The following CYP2C19 variants were observed in gnomAD, a reference collection of about 807,000 sequenced individuals.
CYP2C19 encodes the protein cytochrome P450 family 2 subfamily C member 19.
A neutral mutation model predicts 40.9 loss-of-function variants in CYP2C19; 59 were observed. That is an observed-to-expected ratio of 1.44 (90% CI 1.17 to 1.79). The LOEUF is 1.79. CYP2C19 is among the 40% of genes most tolerant of loss of function. CYP2C19 has a pLI of 0.00. For synonymous variants in CYP2C19, 253 were observed against 208.7 expected, an observed-to-expected ratio of 1.21 and a Z score of -1.83; for missense variants, 754 against 596.9, an observed-to-expected ratio of 1.26 and a Z score of -2.74.
At chr10:94,785,719 G>A (rs576336911) in intron 5 of CYP2C19, among the ~76,000 whole-genome samples, 23 of 152,190 alleles carry the variant, frequency 1.5e-4, no homozygotes, top group African/African-American at 4.6e-4. Context: ...AGAGCATCGC[G>A]TAAAATCGAG....
intron 5 of CYP2C19, among the ~76,000 whole-genome samples, chr10:94,784,805 G>C (rs982325649): frequency 3.3e-5 from 5 of 151,950 alleles, no homozygotes; most frequent in African/African-American, 9.7e-5. Context: ...GGCCAGGCTG[G>C]TCTCGAACTC....
Position 94,849,909 on chromosome 10 carries a change from G to C in CYP2C19, c.1150-8G>C. The C allele has an allele frequency of 6.2e-7, 1 of 1,613,398 alleles. No individual in the cohort carries two copies. Among genetic ancestry groups the C allele is most frequent in the Non-Finnish European group, 8.5e-7 (1 of 1,179,636 alleles). ...ACAGCTCAGTTCACCTATGTCTCTT[G>C]TTTCTAGGGCACAACCATATTAACT... On this transcript the variant is annotated splice_polypyrimidine_tract_variant and splice_region_variant and intron_variant, in intron 7 of 8. Transcript: ENST00000371321.
At chr10:94,796,771 T>C (rs541861927) in intron 5 of CYP2C19, among the ~76,000 whole-genome samples, 1 of 152,174 alleles carries the variant, frequency 6.6e-6, no homozygotes, top group African/African-American at 2.4e-5. Context: ...TGAATGGGAG[T>C]TCACTCATGT....
intron 5 of CYP2C19, among the ~76,000 whole-genome samples, chr10:94,819,053 T>G (rs1206708576): frequency 1.3e-5 from 2 of 149,628 alleles, no homozygotes; most frequent in African/African-American, 2.5e-5. Flanking sequence ...CAGACCACAG[T>G]GCAATCAAAC....
At position 94,854,466 on chromosome 10, in the gene CYP2C19, A is replaced by T. The variant is rs1009830599; in HGVS notation, c.*1552A>T. On this transcript the variant is annotated 3_prime_UTR_variant, in exon 9 of 9. Coordinates refer to ENST00000371321, the MANE Select transcript of CYP2C19 (RefSeq NM_000769.4). ...GTCATCTCCAAAGCATAGACAACTA[A>T]GTATCTTATGTTAAATTATGTTCAC... Among the ~76,000 whole-genome samples, 10 of 152,000 alleles carry T rather than the reference A, an allele frequency of 6.6e-5. No individual in the cohort carries two copies. Among genetic ancestry groups the T allele is most frequent in the African/African-American group, 2.4e-4 (10 of 41,372 alleles).
Position 94,849,945 on chromosome 10 carries a change from C to T in CYP2C19, c.1178C>T (p.Ser393Phe), listed in dbSNP as rs867860347. Residue 393 changes from serine to phenylalanine, a missense_variant, in exon 8 of 9, where the codon TCT becomes TTT. Physicochemically the swap from Ser to Phe is radical, Grantham distance 155. Transcript: ENST00000371321. ...ACAACCATATTAACTTCCCTCACTT[C>T]TGTGCTACATGACAACAAAGAATTT... is the stretch of plus-strand genomic sequence containing the variant. ...KGTTILTSLT[S>F]VLHDNKEFPN... 6.2e-7 allele frequency: 1 copy of T among 1,613,762 alleles called. No individual in the cohort carries two copies. Among genetic ancestry groups the T allele is most frequent in the Non-Finnish European group, 8.5e-7 (1 of 1,179,774 alleles).
At chr10:94,833,402 T>G (rs116239273) in intron 6 of CYP2C19, among the ~76,000 whole-genome samples, 2 of 152,204 alleles carry the variant, frequency 1.3e-5, no homozygotes, top group Non-Finnish European at 2.9e-5. Context: ...GTCTGTCATA[T>G]AGCTTTTTTT....
intron 1 of CYP2C19, among the ~76,000 whole-genome samples, chr10:94,771,195 T>C (rs1407619110): frequency 6.6e-6 from 1 of 152,062 alleles, no homozygotes; most frequent in Non-Finnish European, 1.5e-5. Flanking sequence ...CCCCTACAGC[T>C]TGAAGGGGGC....
At position 94,789,372 on chromosome 10, in the gene CYP2C19, GTTTTTGTTGCCATTAC is replaced by G. The variant is rs1227774501; in HGVS notation, c.819+7380_819+7395del. ...AATGAGATCTCATTAGTCAATTTTG[GTTTTTGTTGCCATTAC>G]TTTTGGTATTTTAGTCATAAAGTCC... is the stretch of plus-strand genomic sequence containing the variant. On this transcript the variant is annotated intron_variant, in intron 5 of 8. Transcript: ENST00000371321. Among the ~76,000 whole-genome samples, 12 of 151,772 alleles carry G rather than the reference GTTTTTGTTGCCATTAC, an allele frequency of 7.9e-5. No individual in the cohort carries two copies. The East Asian group carries it at 2.3e-3, about 29-fold the overall frequency.
rs1170273460 is a variant in CYP2C19 at position 94,801,304 on chromosome 10, A to T, written c.820-19192A>T. On this transcript the variant is annotated intron_variant, in intron 5 of 8. Transcript: ENST00000371321. ...TCTGTTTCATTATTTCTTTGTTCTCATTGGTTTCAAAGAACATTATTACTT... is the reference window on the plus strand; with the variant it reads ...TCTGTTTCATTATTTCTTTGTTCTCTTTGGTTTCAAAGAACATTATTACTT... Among the ~76,000 whole-genome samples the T allele has an allele frequency of 2.0e-5, 3 of 152,242 alleles. No homozygotes were observed. The East Asian group carries it at 5.8e-4, about 29-fold the overall frequency.
chr10:94,816,336 G>A (rs965209553), intron 5 of CYP2C19, among the ~76,000 whole-genome samples: 2 of 150,928 alleles, frequency 1.3e-5, no homozygotes, highest in African/African-American at 4.9e-5. Flanking sequence ...AAAGTAGCCG[G>A]TATAATTAGA....
chr10:94,766,204 CAGTCATTTGCCAGGGAAGGAT>C (rs1848240794), intron 1 of CYP2C19, among the ~76,000 whole-genome samples: 1 of 105,920 alleles, frequency 9.4e-6, no homozygotes, highest in South Asian at 4.5e-4. Flanking sequence ...ACAAAGCCAA[CAGTCATTTGCCAGGGAAGGAT>C]TGGACTGGTT....
intron 5 of CYP2C19, among the ~76,000 whole-genome samples, chr10:94,789,411 TCCTTGC>T (rs1237622568): frequency 7.2e-5 from 11 of 152,152 alleles, no homozygotes; most frequent in Non-Finnish European, 1.5e-5. Flanking sequence ...AGTCATAAAG[TCCTTGC>T]CCATGCCTAT....
chr10:94,809,428 T>A (rs568069778), intron 5 of CYP2C19, among the ~76,000 whole-genome samples: 4 of 152,290 alleles, frequency 2.6e-5, no homozygotes, highest in South Asian at 2.1e-4. Context: ...GTGCTGAAAC[T>A]TTTTAACGTG....
chr10:94,766,874 C>T (rs1422399734), intron 1 of CYP2C19, among the ~76,000 whole-genome samples: 1 of 151,856 alleles, frequency 6.6e-6, no homozygotes, highest in Non-Finnish European at 1.5e-5. Flanking sequence ...AGAGGATTAC[C>T]GAGTATGGTC....
Position 94,762,784 on chromosome 10 carries a change from G to C in CYP2C19, c.79G>C (p.Gly27Arg), listed in dbSNP as rs1848189454. 1 of 1,613,608 alleles carries C rather than the reference G, an allele frequency of 6.2e-7. No homozygotes were observed. Among genetic ancestry groups the C allele is most frequent in the East Asian group, 2.2e-5 (1 of 44,884 alleles). The change falls in exon 1 of 9, where the codon GGA (glycine) becomes CGA (arginine). Residue 27 changes from glycine to arginine, a missense_variant. Physicochemically the swap from Gly to Arg is moderately radical, Grantham distance 125. Coordinates refer to ENST00000371321, the MANE Select transcript of CYP2C19 (RefSeq NM_000769.4). ...AATCTGGAGACAGAGCTCTGGGAGA[G>C]GAAAACTCCCTCCTGGCCCCACTCC... ...LSIWRQSSGRGKLPPGPTPLP... is the reference protein window; with the variant it reads ...LSIWRQSSGRRKLPPGPTPLP...
At chr10:94,818,481 A>G (rs984474043) in intron 5 of CYP2C19, among the ~76,000 whole-genome samples, 2 of 150,832 alleles carry the variant, frequency 1.3e-5, no homozygotes, top group African/African-American at 4.9e-5. Flanking sequence ...TACCTTGGGC[A>G]GTATGGCCAT....
chr10:94,799,940 GT>G (rs1047322240), intron 5 of CYP2C19, among the ~76,000 whole-genome samples: 7 of 151,922 alleles, frequency 4.6e-5, no homozygotes, highest in African/African-American at 1.7e-4. Context: ...CTTATGATGC[GT>G]TAGAACATGC....
chr10:94,853,174 TTAAA>T lies in CYP2C19; in HGVS notation c.*263_*266del, dbSNP rs1325376222. On this transcript the variant is annotated 3_prime_UTR_variant, in exon 9 of 9. Coordinates refer to ENST00000371321, the MANE Select transcript of CYP2C19 (RefSeq NM_000769.4). ...ATGTTGAGTTATTAACATATTATTATTAAATAGAGAAAGATGATTTGTGTATTAT... is the reference window on the plus strand; with the variant it reads ...ATGTTGAGTTATTAACATATTATTATTAGAGAAAGATGATTTGTGTATTAT... 4.5e-5 allele frequency: 21 copies of T among 462,548 alleles called. No individual in the cohort carries two copies. The highest frequency in any genetic ancestry group is 1.2e-4 in the Admixed American group (3 of 26,016). 28.7% of individuals were successfully genotyped at this position (462,548 alleles called of 1,614,324 possible).
Sources: gnomAD v4.1 joint callset for allele counts (sites outside exome capture counted in the v4.1 genomes callset) on GRCh38, gnomAD v4.1.1 for gene constraint, MANE v1.5 for transcripts, NCBI Gene and HGNC (gene_info 2026-07-23, HGNC 2026-07-21) for gene names.